Variants in DCAF8L2 observed in about 807,000 individuals in gnomAD.
DCAF8L2 encodes the protein DDB1- and CUL4-associated factor 8-like protein 2.
For synonymous variants in DCAF8L2, 200 were observed against 190.9 expected (o/e 1.05, Z -0.39); for missense variants, 430 against 490.7 (o/e 0.88, Z 1.17).
At chrX:27,645,052 G>T (rs1035523964) in intron 2 of DCAF8L2, among the ~76,000 whole-genome samples, 1 of 111,370 alleles carries the variant, frequency 9.0e-6, no homozygotes, top group Non-Finnish European at 1.9e-5. Flanking sequence ...TACCGCACCC[G>T]CCCCCTAACT....
intron 1 of DCAF8L2, among the ~76,000 whole-genome samples, chrX:27,629,973 A>AT (rs759102847): frequency 4.5e-5 from 5 of 111,327 alleles, no homozygotes; most frequent in African/African-American, 1.3e-4. Context: ...TTTCCTGTAA[A>AT]TTTTTTTTAT....
chrX:27,533,175 A>AG, the DCAF8L2 span, among the ~76,000 whole-genome samples: 53 of 15,983 alleles, frequency 3.3e-3, no homozygotes, highest in East Asian at 0.023. Flanking sequence ...AGAAAGAAAG[A>AG]AAGAAAGAAA....
At chrX:27,742,343 C>T (rs745730680) in intron 4 of DCAF8L2, among the ~76,000 whole-genome samples, 3 of 110,908 alleles carry the variant, frequency 2.7e-5, no homozygotes, top group South Asian at 3.8e-4. Context: ...CCGAGGTGGA[C>T]GGATCACCTG....
At chrX:27,583,027 C>T in the DCAF8L2 span, among the ~76,000 whole-genome samples, 86 of 111,417 alleles carry the variant, frequency 7.7e-4, no homozygotes, top group Non-Finnish European at 1.5e-3. Flanking sequence ...TATTGGATCT[C>T]GTCTGTAGCA....
intron 4 of DCAF8L2, among the ~76,000 whole-genome samples, chrX:27,717,749 T>G (rs925718442): frequency 1.8e-5 from 2 of 112,028 alleles, no homozygotes; most frequent in African/African-American, 6.5e-5. Flanking sequence ...TTTGTCAATT[T>G]TTGCTTTTGT....
Position 27,749,293 on chromosome X carries a change from T to A in DCAF8L2, c.*502T>A, listed in dbSNP as rs1922449048. ...AAAATAAGACAAACTACAGTTTTGT[T>A]CTGTCGATACTGACACTTGGCCGCA... is the stretch of plus-strand genomic sequence containing the variant. On this transcript the variant is annotated 3_prime_UTR_variant, in exon 5 of 5. Coordinates refer to ENST00000451261, the MANE Select transcript of DCAF8L2 (RefSeq NM_001353450.2). Among the ~76,000 whole-genome samples the A allele has an allele frequency of 8.9e-6, 1 of 111,972 alleles. No individual in the cohort carries two copies. The highest frequency in any genetic ancestry group is 3.2e-5 in the African/African-American group (1 of 30,801).
At chrX:27,676,683 G>A (rs989798035) in intron 2 of DCAF8L2, among the ~76,000 whole-genome samples, 2 of 111,235 alleles carry the variant, frequency 1.8e-5, no homozygotes, top group Non-Finnish European at 3.8e-5. Context: ...TAACCTTAAT[G>A]AGGCAAGGAC....
chrX:27,612,801 G>T (rs1198237036), intron 1 of DCAF8L2, among the ~76,000 whole-genome samples: 1 of 111,398 alleles, frequency 9.0e-6, no homozygotes, highest in Non-Finnish European at 1.9e-5. Context: ...TGTTCCATTG[G>T]TCTATATCTC....
the DCAF8L2 span, among the ~76,000 whole-genome samples, chrX:27,562,393 C>A: frequency 9.8e-5 from 11 of 112,387 alleles, no homozygotes; most frequent in Non-Finnish European, 1.7e-4. Context: ...GTCCACTTAT[C>A]ATCACTTATC....
At chrX:27,644,541 G>T (rs1352049644) in intron 2 of DCAF8L2, among the ~76,000 whole-genome samples, 1 of 110,990 alleles carries the variant, frequency 9.0e-6, no homozygotes. Context: ...GAGATATGCT[G>T]GATAAATATG....
At chrX:27,517,254 CCAT>C in the DCAF8L2 span, among the ~76,000 whole-genome samples, 46 of 111,630 alleles carry the variant, frequency 4.1e-4, no homozygotes, top group Non-Finnish European at 5.8e-4. Context: ...GTGCTGCTTA[CCAT>C]CATTTTAAAC....
intron 2 of DCAF8L2, among the ~76,000 whole-genome samples, chrX:27,637,969 G>GC (rs1321293743): frequency 9.0e-6 from 1 of 111,463 alleles, no homozygotes; most frequent in Non-Finnish European, 1.9e-5. Flanking sequence ...ATTAAACAAA[G>GC]CAAGATTTAT....
At chrX:27,484,135 G>C in the DCAF8L2 span, among the ~76,000 whole-genome samples, 12 of 111,636 alleles carry the variant, frequency 1.1e-4, no homozygotes, top group African/African-American at 3.6e-4. Context: ...ATTTCAAATA[G>C]AGTTGGAGGA....
At chrX:27,734,452 C>A (rs893622534) in intron 4 of DCAF8L2, among the ~76,000 whole-genome samples, 4 of 111,145 alleles carry the variant, frequency 3.6e-5, no homozygotes, top group Non-Finnish European at 7.5e-5. Context: ...ATGACTCTGT[C>A]CAAGAGTAAA....
chrX:27,523,942 T>C, the DCAF8L2 span, among the ~76,000 whole-genome samples: 1 of 111,647 alleles, frequency 9.0e-6, no homozygotes, highest in Non-Finnish European at 1.9e-5. Context: ...GGTATTTTAT[T>C]GAGGATTTCT....
chrX:27,596,241 G>A (rs1290071562), intron 1 of DCAF8L2, among the ~76,000 whole-genome samples: 3 of 111,719 alleles, frequency 2.7e-5, no homozygotes, highest in Admixed American at 9.5e-5. Flanking sequence ...TTACTCTCCA[G>A]AATTAGGATT....
chrX:27,599,712 G>T (rs780382177), intron 1 of DCAF8L2, among the ~76,000 whole-genome samples: 26 of 110,486 alleles, frequency 2.4e-4, no homozygotes, highest in Non-Finnish European at 4.4e-4. Context: ...ATTTGCCCCC[G>T]CCCCGTGCAC....
chrX:27,668,846 A>G (rs1375306730), intron 2 of DCAF8L2, among the ~76,000 whole-genome samples: 17 of 110,372 alleles, frequency 1.5e-4, no homozygotes, highest in African/African-American at 5.6e-4. Flanking sequence ...CCAGCAGGAG[A>G]ATCGCTTGAA....
chrX:27,692,467 T>C (rs1930747109), intron 3 of DCAF8L2, among the ~76,000 whole-genome samples: 2 of 112,001 alleles, frequency 1.8e-5, no homozygotes, highest in Non-Finnish European at 3.8e-5. Flanking sequence ...TTCTCTAATC[T>C]TCACAATTTA....
Sources: allele counts gnomAD v4.1 joint callset (sites outside exome capture counted in the v4.1 genomes callset), GRCh38; gene constraint gnomAD v4.1.1; transcripts MANE v1.5; gene names NCBI Gene and HGNC (gene_info 2026-07-23, HGNC 2026-07-21).